Variants in GRM1 observed in about 807,000 individuals in gnomAD.
GRM1 encodes the protein metabotropic glutamate receptor 1.
A neutral mutation model predicts 90.9 loss-of-function variants in GRM1; 33 were observed. The observed-to-expected ratio is 0.36, with a 90% CI of 0.28 to 0.49. The LOEUF is 0.49. Among genes scored for constraint, GRM1 ranks in the 20% least tolerant of loss-of-function variants. The pLI is 0.99. For missense variants in GRM1, 1,190 were observed against 1,534.3 expected (o/e 0.78, Z 3.75); for synonymous variants, 700 against 613.2 (o/e 1.14, Z -2.09).
At position 146,233,788 on chromosome 6, in the gene GRM1, C is replaced by T. The variant is rs148883103; in HGVS notation, c.951-70823C>T. ...AATAATATATCAAACTATAGTTAGA[C>T]GGAATAAAAATATCTGTTAGACCAA... On this transcript the variant is annotated intron_variant, in intron 2 of 7. Coordinates refer to ENST00000282753, the MANE Select transcript of GRM1 (RefSeq NM_001278064.2). Among the ~76,000 whole-genome samples the T allele has an allele frequency of 1.7e-3, 258 of 152,082 alleles. 3 individuals are homozygous for T. The highest frequency in any genetic ancestry group is 5.1e-3 in the African/African-American group (210 of 41,530).
chr6:146,057,252 C>T (rs924758075), intron 1 of GRM1, among the ~76,000 whole-genome samples: 4 of 152,020 alleles, frequency 2.6e-5, no homozygotes, highest in Non-Finnish European at 5.9e-5. Context: ...TAGTACATTG[C>T]CTTTGTAGCC....
At chr6:146,357,834 T>C (rs973274570) in intron 5 of GRM1, 140 bp downstream of exon 5, 3 of 725,884 alleles carry the variant, frequency 4.1e-6, no homozygotes, top group Non-Finnish European at 7.4e-6. Context: ...CTCTTGAGTT[T>C]AGGTAAAACT....
chr6:146,220,756 G>A (rs1312678273), intron 2 of GRM1, among the ~76,000 whole-genome samples: 1 of 152,076 alleles, frequency 6.6e-6, no homozygotes, highest in Non-Finnish European at 1.5e-5. Flanking sequence ...AAAGGGGAAG[G>A]ACAAGGAGTG....
intron 5 of GRM1, among the ~76,000 whole-genome samples, chr6:146,371,748 A>G (rs1403192691): frequency 6.6e-6 from 1 of 152,070 alleles, no homozygotes; most frequent in East Asian, 1.9e-4. Context: ...TATTTTACTT[A>G]ACATAATAAT....
chr6:146,187,693 G>T (rs553824437), intron 2 of GRM1, among the ~76,000 whole-genome samples: 2 of 151,432 alleles, frequency 1.3e-5, no homozygotes, highest in Admixed American at 1.3e-4. Flanking sequence ...ATTTATATTT[G>T]CTAACAAACA....
intron 2 of GRM1, among the ~76,000 whole-genome samples, chr6:146,234,496 G>A (rs942453014): frequency 5.3e-5 from 8 of 151,276 alleles, no homozygotes; most frequent in Non-Finnish European, 1.2e-4. Context: ...TTTTTTAGTG[G>A]TTGCCATTGG....
rs76769135 is a variant in GRM1, at chr6:146,370,204, A to G, written c.1602+12510A>G. 8.5e-5 allele frequency among the ~76,000 whole-genome samples: 13 copies of G among 152,210 alleles called. No individual in the cohort carries two copies. In the East Asian group the frequency reaches 2.3e-3, roughly 27 times the overall value. On this transcript the variant is annotated intron_variant, in intron 5 of 7. Transcript: ENST00000282753. ...TGCAAGTTTAAGTGAAGACTTGCATATAACTGAAGGAAAGGTATCTAACTT... is the reference window on the plus strand; with the variant it reads ...TGCAAGTTTAAGTGAAGACTTGCATGTAACTGAAGGAAAGGTATCTAACTT...
At chr6:146,252,447 G>T (rs1325679332) in intron 2 of GRM1, among the ~76,000 whole-genome samples, 1 of 152,002 alleles carries the variant, frequency 6.6e-6, no homozygotes, top group African/African-American at 2.4e-5. Context: ...AGACCAGCCT[G>T]GCCAACATGG....
At chr6:146,426,612 A>G (rs369452860) in intron 7 of GRM1, 3 of 1,591,362 alleles carry the variant, frequency 1.9e-6, no homozygotes, top group Non-Finnish European at 2.6e-6. Context: ...GCACATGTGC[A>G]GCTTTGAAAA....
chr6:146,386,589 A>G (rs944583728), intron 5 of GRM1, among the ~76,000 whole-genome samples: 7 of 152,070 alleles, frequency 4.6e-5, no homozygotes, highest in African/African-American at 1.7e-4. Flanking sequence ...TAATATAAAC[A>G]AGGATTAAAT....
chr6:146,094,398 C>A (rs1776810314), intron 1 of GRM1, among the ~76,000 whole-genome samples: 1 of 152,040 alleles, frequency 6.6e-6, no homozygotes, highest in African/African-American at 2.4e-5. Flanking sequence ...GAACTGAGGC[C>A]TTACAATTCT....
At chr6:146,154,747 C>T (rs1460416727) in intron 1 of GRM1, among the ~76,000 whole-genome samples, 3 of 152,132 alleles carry the variant, frequency 2.0e-5, no homozygotes, top group African/African-American at 7.2e-5. Flanking sequence ...ATAATTGCTG[C>T]ATTTACCTGA....
intron 5 of GRM1, among the ~76,000 whole-genome samples, chr6:146,370,508 T>A (rs1469464963): frequency 6.6e-6 from 1 of 152,124 alleles, no homozygotes; most frequent in East Asian, 1.9e-4. Flanking sequence ...TTATTTCCCC[T>A]TCTAGAGATA....
At chr6:146,074,924 G>A (rs958307190) in intron 1 of GRM1, among the ~76,000 whole-genome samples, 4 of 152,094 alleles carry the variant, frequency 2.6e-5, no homozygotes, top group Non-Finnish European at 5.9e-5. Context: ...GTGAAATACC[G>A]TTATGCTGCC....
chr6:146,082,611 C>T (rs1776401919), intron 1 of GRM1, among the ~76,000 whole-genome samples: 1 of 152,180 alleles, frequency 6.6e-6, no homozygotes, highest in Non-Finnish European at 1.5e-5. Context: ...TCAAATCCAT[C>T]TCTAAATGTT....
At chr6:146,254,142 A>T (rs958429807) in intron 2 of GRM1, among the ~76,000 whole-genome samples, 2 of 152,196 alleles carry the variant, frequency 1.3e-5, no homozygotes, top group Non-Finnish European at 2.9e-5. Flanking sequence ...ATGAAGCCAG[A>T]GAATGGGCAG....
At chr6:146,208,457 T>C (rs1779568743) in intron 2 of GRM1, among the ~76,000 whole-genome samples, 2 of 152,188 alleles carry the variant, frequency 1.3e-5, no homozygotes, top group Admixed American at 1.3e-4. Flanking sequence ...ACAAGTAACA[T>C]TGGTTATTCA....
chr6:146,317,775 C>T (rs1467660212), intron 3 of GRM1, among the ~76,000 whole-genome samples: 1 of 152,144 alleles, frequency 6.6e-6, no homozygotes, highest in Non-Finnish European at 1.5e-5. Context: ...TTTAAAACTT[C>T]CACTAAAAGT....
At chr6:146,379,146 C>A (rs192851335) in intron 5 of GRM1, among the ~76,000 whole-genome samples, 157 of 152,236 alleles carry the variant, frequency 1.0e-3, no homozygotes, top group Non-Finnish European at 2.0e-3. Flanking sequence ...TCTGATACTA[C>A]CTTTTAAAAT....
Sources: gnomAD v4.1 joint callset for allele counts (sites outside exome capture counted in the v4.1 genomes callset) on GRCh38, gnomAD v4.1.1 for gene constraint, MANE v1.5 for transcripts, NCBI Gene and HGNC (gene_info 2026-07-23, HGNC 2026-07-21) for gene names.